Variants in ZNF536 observed in about 807,000 individuals in gnomAD.
ZNF536 encodes zinc finger protein 536.
A neutral mutation model predicts 84.5 loss-of-function variants in ZNF536; 13 were observed. The ratio of observed to expected loss-of-function variants is 0.15; its 90% CI spans 0.10 to 0.24. ZNF536 has a LOEUF of 0.24. ZNF536 is among the 10% of genes least tolerant of loss of function. The pLI is 1.00. For synonymous variants in ZNF536, 811 were observed against 742.5 expected, an observed-to-expected ratio of 1.09 and a Z score of -1.50; for missense variants, 1,536 against 1,747.5, an observed-to-expected ratio of 0.88 and a Z score of 2.16.
At chr19:30,330,332 C>T (rs2047169821) in intron 2 of ZNF536, among the ~76,000 whole-genome samples, 1 of 152,288 alleles carries the variant, frequency 6.6e-6, no homozygotes, top group South Asian at 2.1e-4. Context: ...GAAACTCACT[C>T]TTGAGTGGTC....
chr19:30,432,006 T>TATATACAC (rs149223384), intron 1 of ZNF536, among the ~76,000 whole-genome samples: 1 of 145,988 alleles, frequency 6.8e-6, no homozygotes, highest in South Asian at 2.2e-4. Flanking sequence ...TATATATATA[T>TATATACAC]ACACACACAC....
At chr19:30,564,285 C>T (rs1388595176) in intron 1 of ZNF536, among the ~76,000 whole-genome samples, 1 of 150,156 alleles carries the variant, frequency 6.7e-6, no homozygotes, top group Non-Finnish European at 1.5e-5. Flanking sequence ...GACTGGGCAA[C>T]AGAGCAAGAT....
intron 1 of ZNF536, among the ~76,000 whole-genome samples, chr19:30,392,107 ACT>A (rs1270919196): frequency 6.6e-6 from 1 of 151,808 alleles, no homozygotes; most frequent in Non-Finnish European, 1.5e-5. Flanking sequence ...AGCTTCCAGG[ACT>A]CTGAGGGGAG....
chr19:30,655,957 T>G (rs764128095), intron 1 of ZNF536, among the ~76,000 whole-genome samples: 1 of 152,118 alleles, frequency 6.6e-6, no homozygotes, highest in Non-Finnish European at 1.5e-5. Flanking sequence ...GAGGATCACT[T>G]GAGCCCAGGA....
At chr19:30,659,756 G>C (rs1019292968) in intron 1 of ZNF536, among the ~76,000 whole-genome samples, 3 of 152,198 alleles carry the variant, frequency 2.0e-5, no homozygotes, top group Non-Finnish European at 4.4e-5. Context: ...GGCTCCACCA[G>C]ATTATTACAA....
At chr19:30,481,877 C>T (rs1461625311) in intron 2 of ZNF536, among the ~76,000 whole-genome samples, 1 of 152,084 alleles carries the variant, frequency 6.6e-6, no homozygotes, top group Non-Finnish European at 1.5e-5. Context: ...ACCTTTGCCT[C>T]CTCATAACTT....
chr19:30,308,584 T>C (rs772480270), intron 2 of ZNF536, among the ~76,000 whole-genome samples: 19 of 151,946 alleles, frequency 1.3e-4, no homozygotes, highest in Non-Finnish European at 2.4e-4. Context: ...GTCCTCAGAG[T>C]CCTCATGTGT....
chr19:30,292,911 A>G (rs2045887607), intron 2 of ZNF536, among the ~76,000 whole-genome samples: 1 of 152,224 alleles, frequency 6.6e-6, no homozygotes, highest in South Asian at 2.1e-4. Context: ...TCAGGATTAG[A>G]AGAAAAGCCA....
intron 2 of ZNF536, among the ~76,000 whole-genome samples, chr19:30,320,289 T>A (rs1364259237): frequency 6.6e-6 from 1 of 152,218 alleles, no homozygotes. Context: ...CGTATAGAAA[T>A]GTTAATCATG....
intron 1 of ZNF536, among the ~76,000 whole-genome samples, chr19:30,407,491 G>A (rs957927192): frequency 6.6e-6 from 1 of 152,154 alleles, no homozygotes; most frequent in African/African-American, 2.4e-5. Flanking sequence ...AGATCCCACA[G>A]GGTGAGAGCT....
intron 2 of ZNF536, among the ~76,000 whole-genome samples, chr19:30,480,329 A>G (rs2054023229): frequency 6.6e-6 from 1 of 152,118 alleles, no homozygotes; most frequent in African/African-American, 2.4e-5. Flanking sequence ...TCCTTCCCCA[A>G]CGTGATGTCA....
chr19:30,434,972 GA>G (rs950079906), intron 1 of ZNF536, among the ~76,000 whole-genome samples: 2 of 152,058 alleles, frequency 1.3e-5, no homozygotes, highest in African/African-American at 4.8e-5. Context: ...TGATACTGGT[GA>G]TGATGATCGT....
At chr19:30,601,204 C>T (rs142686598) in intron 1 of ZNF536, among the ~76,000 whole-genome samples, 6 of 152,316 alleles carry the variant, frequency 3.9e-5, no homozygotes, top group Non-Finnish European at 7.3e-5. Context: ...GACTAGACAG[C>T]TAAAGTGATT....
intron 2 of ZNF536, among the ~76,000 whole-genome samples, chr19:30,346,201 G>A (rs533673949): frequency 8.5e-5 from 13 of 152,290 alleles, no homozygotes; most frequent in African/African-American, 2.6e-4. Flanking sequence ...GTTCTTCTCC[G>A]CAGCTATGGG....
chr19:30,562,107 G>T (rs2046191366), downstream of ZNF536, among the ~76,000 whole-genome samples: 1 of 152,162 alleles, frequency 6.6e-6, no homozygotes, highest in South Asian at 2.1e-4. Flanking sequence ...TAACTCACGT[G>T]TCCTCTTTGG....
chr19:30,483,430 G>A (rs984242789), intron 2 of ZNF536, among the ~76,000 whole-genome samples: 2 of 152,160 alleles, frequency 1.3e-5, no homozygotes, highest in African/African-American at 4.8e-5. Context: ...CGAGTCTTCC[G>A]AATGGGTGTC....
chr19:30,336,151 G>T (rs1308428901), intron 2 of ZNF536, among the ~76,000 whole-genome samples: 1 of 152,232 alleles, frequency 6.6e-6, no homozygotes, highest in Non-Finnish European at 1.5e-5. Flanking sequence ...GCTGGTTTAG[G>T]TTCCAGCATG....
At chr19:30,353,475 A>C (rs2047997787) in intron 3 of ZNF536, among the ~76,000 whole-genome samples, 2 of 152,246 alleles carry the variant, frequency 1.3e-5, no homozygotes, top group East Asian at 3.9e-4. Context: ...TCGTGTTAAG[A>C]AAAAGGAACA....
chr19:30,370,722 G>T (rs901542650), upstream of ZNF536, among the ~76,000 whole-genome samples: 2 of 152,158 alleles, frequency 1.3e-5, no homozygotes, highest in Admixed American at 6.5e-5. Flanking sequence ...AATGTAGCCA[G>T]TAGGTGAAAC....
Sources: allele counts gnomAD v4.1 joint callset (sites outside exome capture counted in the v4.1 genomes callset), GRCh38; gene constraint gnomAD v4.1.1; transcripts MANE v1.5; gene names NCBI Gene and HGNC (gene_info 2026-07-23, HGNC 2026-07-21).